BDNF: variants seen among roughly 807,000 people sequenced by gnomAD.
The protein encoded by BDNF is neurotrophic factor BDNF precursor form.
Under a neutral mutation model 19.5 loss-of-function variants are expected in BDNF, and 1 was observed. The observed-to-expected ratio is 0.05, with a 90% CI of 0.02 to 0.24. The LOEUF is 0.24. Among genes scored for constraint, BDNF ranks in the 10% least tolerant of loss-of-function variants. The pLI, the probability that BDNF is intolerant of heterozygous loss-of-function variation, is 1.00. For missense variants in BDNF, 195 were observed against 317.6 expected (o/e 0.61, Z 2.93); for synonymous variants, 100 against 121.6 (o/e 0.82, Z 1.17).
chr11:27,671,808 C>T (rs1340175929), intron 1 of BDNF, among the ~76,000 whole-genome samples: 2 of 152,056 alleles, frequency 1.3e-5, no homozygotes, highest in African/African-American at 4.8e-5. Flanking sequence ...CTCATTCCAC[C>T]TACCCCACCC....
At chr11:27,668,674 A>G (rs1590278104) in intron 1 of BDNF, among the ~76,000 whole-genome samples, 2 of 152,338 alleles carry the variant, frequency 1.3e-5, no homozygotes, top group East Asian at 3.9e-4. Context: ...AAATTTATAA[A>G]TTCCTGGACA....
intron 1 of BDNF, chr11:27,675,817 C>G (rs895638949): frequency 6.6e-6 from 1 of 151,918 alleles, no homozygotes; most frequent in Non-Finnish European, 1.5e-5. Flanking sequence ...CACTCACAGA[C>G]TGTGCCAACA....
At chr11:27,706,511 T>C (rs1196510035) in intron 1 of BDNF, among the ~76,000 whole-genome samples, 2 of 152,242 alleles carry the variant, frequency 1.3e-5, no homozygotes, top group African/African-American at 2.4e-5. Context: ...AACAGCTGCT[T>C]ACTAACCTCC....
Position 27,657,473 on chromosome 11 carries a change from T to C in BDNF, c.*348A>G. 9.5e-7 allele frequency: 1 copy of C among 1,054,942 alleles called. No homozygotes were observed. The highest frequency in any genetic ancestry group is 1.1e-6 in the Non-Finnish European group (1 of 872,838). The allele number at this position is 1,054,942 out of a possible 1,614,324, so 65.3% of individuals were successfully genotyped here. ...GTTGTGTGTGTGTGTGTTTTTTTTC[T>C]GTTTTCTGAAAGAGGACAGTTTATT... On this transcript the variant is annotated 3_prime_UTR_variant, in exon 2 of 2. Transcript: ENST00000356660. This position sits in a 1 kb window ranked among gnomAD's most constrained non-coding sequence, Gnocchi z 5.0.
intron 1 of BDNF, among the ~76,000 whole-genome samples, chr11:27,714,962 C>A (rs1177400539): frequency 6.6e-6 from 1 of 152,072 alleles, no homozygotes; most frequent in Non-Finnish European, 1.5e-5. Context: ...GTCCAGAGGT[C>A]TGTCCCCTTC....
chr11:27,670,722 C>T (rs547283498), intron 1 of BDNF, among the ~76,000 whole-genome samples: 1 of 152,282 alleles, frequency 6.6e-6, no homozygotes, highest in East Asian at 1.9e-4. Context: ...CCATCTCACA[C>T]CAGTTAGAAT....
intron 1 of BDNF, among the ~76,000 whole-genome samples, chr11:27,691,454 T>C (rs1858267832): frequency 6.6e-6 from 1 of 152,218 alleles, no homozygotes; most frequent in Admixed American, 6.5e-5. Context: ...TTGCTACATA[T>C]AACATTCTTA....
At chr11:27,700,127 GC>G (rs1564989027) in intron 1 of BDNF, 36 bp downstream of exon 1, 1 of 986,000 alleles carries the variant, frequency 1.0e-6, no homozygotes, top group Non-Finnish European at 1.2e-6. Flanking sequence ...CGGACGGGCA[GC>G]TCCTGCACCA....
At chr11:27,659,964 A>G (rs956500807) in intron 1 of BDNF, among the ~76,000 whole-genome samples, 1 of 152,210 alleles carries the variant, frequency 6.6e-6, no homozygotes, top group Non-Finnish European at 1.5e-5. Context: ...CACTTACCTG[A>G]AGCATTGTGT....
At chr11:27,721,403 G>A (rs1288336781) in intron 1 of BDNF, 1 of 1,614,010 alleles carries the variant, frequency 6.2e-7, no homozygotes, top group African/African-American at 1.3e-5. Context: ...AGGTTTTATT[G>A]CTACTCACCA....
At chr11:27,697,950 T>A (rs1859319961) in intron 1 of BDNF, 2 of 152,190 alleles carry the variant, frequency 1.3e-5, no homozygotes, top group Admixed American at 1.3e-4. Flanking sequence ...TCTGCTTATA[T>A]CATTTATAAA....
upstream of BDNF, chr11:27,700,475 C>T (rs1317271787): frequency 1.0e-6 from 1 of 982,540 alleles, no homozygotes; most frequent in Non-Finnish European, 1.2e-6. Context: ...CCGGGTCAGA[C>T]ATTATTTAGC....
chr11:27,701,581 C>G, upstream of BDNF: 2 of 986,276 alleles, frequency 2.0e-6, no homozygotes, highest in East Asian at 1.1e-4. Context: ...GCTAGTTCGC[C>G]GGGGGGAGCG....
At position 27,658,740 on chromosome 11, in the gene BDNF, T is replaced by TCAGTGTG; in HGVS notation, c.-21-156_-21-155insCACACTG. ...AAACTCCAGCTGCACCAGACACAAA[T>TCAGTGTG]CAGTGTCAGTAGTGTGCTGTATGTG... On this transcript the variant is annotated intron_variant, in intron 1 of 1. Transcript: ENST00000356660. The surrounding 1 kb of genome is among the most constrained non-coding windows in gnomAD (Gnocchi z 5.7). 1 of 1,534,874 alleles carries TCAGTGTG rather than the reference T, an allele frequency of 6.5e-7. No homozygotes were observed. Among genetic ancestry groups the TCAGTGTG allele is most frequent in the Non-Finnish European group, 8.8e-7 (1 of 1,140,984 alleles).
At chr11:27,682,640 T>C (rs1200056875) in intron 1 of BDNF, among the ~76,000 whole-genome samples, 1 of 152,082 alleles carries the variant, frequency 6.6e-6, no homozygotes, top group African/African-American at 2.4e-5. Context: ...CTCCCACTTA[T>C]GAGTGAGAAC....
At position 27,659,629 on chromosome 11, in the gene BDNF, C is replaced by CTGTGTG. The variant is rs55917552; in HGVS notation, c.-21-1050_-21-1045dup. On this transcript the variant is annotated intron_variant, in intron 1 of 1. Transcript: ENST00000356660. ...TTTCTTTTTACTAGAGATGTTCTCT[C>CTGTGTG]TGTGTGTGTGTGTGTGTGTGCGCGC... is the stretch of plus-strand genomic sequence containing the variant. The CTGTGTG allele has an allele frequency of 0.17, 170,336 of 976,944 alleles. 5,805 individuals carry two copies. The highest frequency in any genetic ancestry group is 0.4 in the East Asian group (3,408 of 8,598). The allele number at this position is 976,944 out of a possible 1,614,324, so 60.5% of individuals were successfully genotyped here. A position where few individuals can be genotyped will look rare whatever the true frequency, so the allele number is the denominator to read the frequency against.
At chr11:27,661,726 A>C (rs746034102) in intron 1 of BDNF, among the ~76,000 whole-genome samples, 6 of 152,152 alleles carry the variant, frequency 3.9e-5, no homozygotes, top group Non-Finnish European at 8.8e-5. Context: ...TTCTTAGCTA[A>C]CTTTCTCAAA....
rs1403870919 is a variant in BDNF, at chr11:27,672,705, G to T, written c.-21-14120C>A. On this transcript the variant is annotated intron_variant, in intron 1 of 1. Coordinates refer to ENST00000356660, the MANE Select transcript of BDNF (RefSeq NM_001709.5). ...TCTTCTTCGATAAAGTTCCCAGGAGGTAACCCAATTTCTAGGTTGGTGTCC... is the reference window on the plus strand; with the variant it reads ...TCTTCTTCGATAAAGTTCCCAGGAGTTAACCCAATTTCTAGGTTGGTGTCC... 4.6e-5 allele frequency among the ~76,000 whole-genome samples: 7 copies of T among 152,228 alleles called. No individual in the cohort carries two copies. The South Asian group carries it at 1.5e-3, about 32-fold the overall frequency.
At chr11:27,667,367 C>T (rs1305899571) in intron 1 of BDNF, among the ~76,000 whole-genome samples, 7 of 152,270 alleles carry the variant, frequency 4.6e-5, no homozygotes, top group African/African-American at 1.7e-4. Flanking sequence ...AACTAACGAG[C>T]AAAATAACCA....
Sources: gnomAD v4.1 joint callset for allele counts (sites outside exome capture counted in the v4.1 genomes callset) on GRCh38, gnomAD v4.1.1 for gene constraint, Gnocchi (gnomAD v3.1) non-coding constraint, MANE v1.5 for transcripts, NCBI Gene and HGNC (gene_info 2026-07-23, HGNC 2026-07-21) for gene names.